Variants in CPQ observed in about 807,000 individuals in gnomAD.
CPQ encodes Ser-Met dipeptidase.
Under a neutral mutation model 45.7 loss-of-function variants are expected in CPQ, and 37 were observed. The observed-to-expected ratio is 0.81, with a 90% CI of 0.62 to 1.07. The LOEUF is 1.07. CPQ is among the 50% of genes least tolerant of loss of function. The pLI, the probability that CPQ is intolerant of heterozygous loss-of-function variation, is 0.00. For synonymous variants in CPQ, 186 were observed against 205.8 expected (o/e 0.90, Z 0.82); for missense variants, 537 against 572.9 (o/e 0.94, Z 0.64).
intron 3 of CPQ, among the ~76,000 whole-genome samples, chr8:96,856,305 T>C (rs1811850394): frequency 1.3e-5 from 2 of 152,172 alleles, no homozygotes; most frequent in South Asian, 4.1e-4. Context: ...GCTAGGGTGG[T>C]AGCTGTGGAG....
intron 2 of CPQ, among the ~76,000 whole-genome samples, chr8:96,821,186 G>T (rs1295905964): frequency 4.9e-5 from 5 of 101,476 alleles, no homozygotes; most frequent in African/African-American, 1.2e-4. Context: ...ATATGTTCTG[G>T]TTATTAATCC....
intron 3 of CPQ, among the ~76,000 whole-genome samples, chr8:96,856,405 G>A (rs1693613844): frequency 1.3e-5 from 2 of 152,160 alleles, no homozygotes; most frequent in Admixed American, 1.3e-4. Context: ...AAAAATAAAG[G>A]ACTCAAGAGT....
chr8:96,964,007 A>G (rs139444054), intron 4 of CPQ, among the ~76,000 whole-genome samples: 53 of 151,068 alleles, frequency 3.5e-4, no homozygotes, highest in Middle Eastern at 3.4e-3. Context: ...TTCCATTTCT[A>G]TATTATTGCT....
chr8:96,717,029 ATATATATATATATATATAT>A (rs1563477616), intron 1 of CPQ, among the ~76,000 whole-genome samples: 2 of 12,804 alleles, frequency 1.6e-4, no homozygotes, highest in African/African-American at 2.5e-4. Context: ...ATATAAATAT[ATATATATATATATATATAT>A]ATATATATAT....
chr8:96,742,793 G>T lies in CPQ; in HGVS notation c.-34-42071G>T, dbSNP rs1384248649. ...GAAAATTCTTTTCTTTAAGAATGTT[G>T]AATATTGGCCCTCACTCTCTTCTGG... On this transcript the variant is annotated intron_variant, in intron 1 of 7. Transcript: ENST00000220763. 5.3e-5 allele frequency among the ~76,000 whole-genome samples: 8 copies of T among 152,282 alleles called. No homozygotes were observed. In the East Asian group the frequency reaches 1.5e-3, roughly 29 times the overall value.
intron 1 of CPQ, among the ~76,000 whole-genome samples, chr8:96,657,906 T>G (rs1377650138): frequency 6.6e-6 from 1 of 152,238 alleles, no homozygotes; most frequent in Admixed American, 6.5e-5. Context: ...CGTATGTCTC[T>G]TTTGTGCCCA....
intron 5 of CPQ, among the ~76,000 whole-genome samples, chr8:97,007,719 CTT>C (rs1809407580): frequency 6.6e-6 from 1 of 152,152 alleles, no homozygotes; most frequent in Non-Finnish European, 1.5e-5. Flanking sequence ...TGAAATAAAA[CTT>C]TATTCTGGGC....
intron 5 of CPQ, among the ~76,000 whole-genome samples, chr8:96,970,566 T>C (rs1235830862): frequency 8.4e-6 from 1 of 119,226 alleles, no homozygotes; most frequent in Non-Finnish European, 2.0e-5. Context: ...CCCAACACTC[T>C]TTTTTTTTTT....
At chr8:96,977,506 AG>A (rs1244957872) in intron 5 of CPQ, among the ~76,000 whole-genome samples, 5 of 152,170 alleles carry the variant, frequency 3.3e-5, no homozygotes, top group Non-Finnish European at 7.4e-5. Context: ...CCAGAGGAAA[AG>A]AAGTCAGTAT....
At chr8:97,004,145 A>G (rs563488619) in intron 5 of CPQ, among the ~76,000 whole-genome samples, 7 of 152,144 alleles carry the variant, frequency 4.6e-5, no homozygotes, top group Non-Finnish European at 8.8e-5. Flanking sequence ...CTTAAAGTAC[A>G]TGAAAAAATT....
At chr8:96,679,186 G>A (rs113857323) in intron 1 of CPQ, among the ~76,000 whole-genome samples, 3,686 of 152,032 alleles carry the variant, frequency 0.024, 161 homozygotes, top group African/African-American at 0.084. Flanking sequence ...GATTCATATG[G>A]TCTTTGTCCC....
intron 4 of CPQ, among the ~76,000 whole-genome samples, chr8:96,945,229 CAG>C (rs568028619): frequency 6.6e-6 from 1 of 152,122 alleles, no homozygotes; most frequent in Non-Finnish European, 1.5e-5. Flanking sequence ...GTCAGTGGGG[CAG>C]AGAGCACAGT....
intron 4 of CPQ, among the ~76,000 whole-genome samples, chr8:96,965,105 G>T (rs1563540662): frequency 6.6e-6 from 1 of 151,924 alleles, no homozygotes; most frequent in East Asian, 1.9e-4. Flanking sequence ...TCCCTTAAAA[G>T]TTCTCCTGTT....
At chr8:97,103,128 A>G (rs546063180) in intron 7 of CPQ, among the ~76,000 whole-genome samples, 7 of 152,270 alleles carry the variant, frequency 4.6e-5, no homozygotes, top group Non-Finnish European at 1.0e-4. Flanking sequence ...ACCCACCCAG[A>G]TAACTCAGGA....
chr8:96,932,555 A>G (rs1812988878), intron 4 of CPQ, among the ~76,000 whole-genome samples: 1 of 152,216 alleles, frequency 6.6e-6, no homozygotes. Flanking sequence ...TTACTATACA[A>G]AGCTGATTAT....
chr8:97,139,937 A>G (rs1483835512), intron 7 of CPQ, among the ~76,000 whole-genome samples: 3 of 151,948 alleles, frequency 2.0e-5, no homozygotes, highest in Non-Finnish European at 2.9e-5. Flanking sequence ...AATAGAAAGT[A>G]TCCAAAAAAT....
At chr8:96,805,224 C>T (rs1158122898) in intron 2 of CPQ, among the ~76,000 whole-genome samples, 1 of 152,154 alleles carries the variant, frequency 6.6e-6, no homozygotes, top group Non-Finnish European at 1.5e-5. Flanking sequence ...CCATGAAATT[C>T]TACTGCCTGA....
chr8:96,936,964 T>G (rs192417288), intron 4 of CPQ, among the ~76,000 whole-genome samples: 1 of 152,230 alleles, frequency 6.6e-6, no homozygotes, highest in East Asian at 1.9e-4. Flanking sequence ...TATCTTTCCT[T>G]CCTTCCTTCC....
chr8:96,647,798 G>A (rs1815534391), intron 1 of CPQ, among the ~76,000 whole-genome samples: 1 of 152,176 alleles, frequency 6.6e-6, no homozygotes, highest in African/African-American at 2.4e-5. Context: ...CTTTGACCTA[G>A]GTGCCCATGC....
Sources: allele counts gnomAD v4.1 joint callset (sites outside exome capture counted in the v4.1 genomes callset), GRCh38; gene constraint gnomAD v4.1.1; transcripts MANE v1.5; gene names NCBI Gene and HGNC (gene_info 2026-07-23, HGNC 2026-07-21).